TUSC3: variants seen among roughly 807,000 people sequenced by gnomAD.
TUSC3 encodes the protein tumor suppressor candidate 3.
TUSC3 carries 45 observed loss-of-function variants against 44.8 expected under a neutral mutation model. The observed-to-expected ratio is 1.00, with a 90% CI of 0.79 to 1.29. The LOEUF is 1.29. Ranked by LOEUF, TUSC3 falls within the 50% of genes most tolerant of loss-of-function variation. The probability of loss-of-function intolerance (pLI) is 0.00; values close to 1 mark genes in which losing one functional copy is unlikely to be tolerated. For synonymous variants in TUSC3, 212 were observed against 152.9 expected, an observed-to-expected ratio of 1.39 and a Z score of -2.85; for missense variants, 519 against 437.9, an observed-to-expected ratio of 1.19 and a Z score of -1.65.
chr8:15,697,136 C>T (rs1450119987), intron 6 of TUSC3, among the ~76,000 whole-genome samples: 1 of 152,094 alleles, frequency 6.6e-6, no homozygotes, highest in Non-Finnish European at 1.5e-5. Flanking sequence ...TGTCCCTTTT[C>T]ATTTCTTATT....
chr8:15,590,543 T>C (rs981344736), intron 1 of TUSC3, among the ~76,000 whole-genome samples: 1 of 152,142 alleles, frequency 6.6e-6, no homozygotes, highest in African/African-American at 2.4e-5. Context: ...TTTACTATTT[T>C]TAGAGGTTCT....
At chr8:15,730,144 T>G (rs1223226239) in intron 6 of TUSC3, among the ~76,000 whole-genome samples, 1 of 152,130 alleles carries the variant, frequency 6.6e-6, no homozygotes, top group African/African-American at 2.4e-5. Context: ...TAATCAACTG[T>G]TATCAACTAT....
intron 1 of TUSC3, among the ~76,000 whole-genome samples, chr8:15,559,823 A>C (rs1387727614): frequency 3.1e-5 from 3 of 97,858 alleles, no homozygotes; most frequent in East Asian, 6.3e-4. Context: ...CTAGGATTGC[A>C]ACCCCTGCCT....
At chr8:15,543,695 T>G (rs1433217927) in intron 1 of TUSC3, among the ~76,000 whole-genome samples, 2 of 151,966 alleles carry the variant, frequency 1.3e-5, no homozygotes, top group African/African-American at 4.8e-5. Context: ...AATGAAAGCA[T>G]TAGTGTAATG....
At chr8:15,716,209 T>C (rs959275354) in intron 6 of TUSC3, among the ~76,000 whole-genome samples, 2 of 152,172 alleles carry the variant, frequency 1.3e-5, no homozygotes, top group Non-Finnish European at 2.9e-5. Flanking sequence ...CAAGCCAAGG[T>C]TGTGCCACTG....
At chr8:15,569,137 G>A (rs1191704812) in intron 1 of TUSC3, among the ~76,000 whole-genome samples, 1 of 152,102 alleles carries the variant, frequency 6.6e-6, no homozygotes, top group African/African-American at 2.4e-5. Context: ...AGAGTACCAT[G>A]CGAAATGTTT....
At chr8:15,525,207 C>T (rs760622136) in intron 2 of TUSC3, among the ~76,000 whole-genome samples, 2 of 152,172 alleles carry the variant, frequency 1.3e-5, no homozygotes, top group Admixed American at 6.5e-5. Context: ...TGATCTCTAT[C>T]CCCTTCTTTT....
chr8:15,539,301 C>A (rs547819448), upstream of TUSC3, among the ~76,000 whole-genome samples: 1 of 149,186 alleles, frequency 6.7e-6, no homozygotes, highest in Non-Finnish European at 1.5e-5. Flanking sequence ...TAGAACGGAT[C>A]AGGCCCATAT....
At chr8:15,651,012 C>T in intron 3 of TUSC3, 198 bp downstream of exon 3, 5 of 531,874 alleles carry the variant, frequency 9.4e-6, no homozygotes, top group Admixed American at 3.1e-5. Context: ...CACACACACA[C>T]ACACACACAC....
intron 1 of TUSC3, among the ~76,000 whole-genome samples, chr8:15,609,582 G>A (rs1479065667): frequency 6.6e-6 from 1 of 151,958 alleles, no homozygotes; most frequent in African/African-American, 2.4e-5. Flanking sequence ...AAAAAAAAAT[G>A]GGAAGCTCAT....
intron 4 of TUSC3, among the ~76,000 whole-genome samples, chr8:15,660,816 T>C (rs1290146997): frequency 6.6e-6 from 1 of 151,618 alleles, no homozygotes; most frequent in Non-Finnish European, 1.5e-5. Flanking sequence ...TACTATTGTT[T>C]CCTTATAAGA....
rs75602089 is a variant in TUSC3 at position 15,687,340 on chromosome 8, G to C, written c.798+13504G>C. ...AGTCTTCAGAGCCTCGCTTCTTATTGAGTTACATGATATTTGAGGCTGCAA... is the reference window on the plus strand; with the variant it reads ...AGTCTTCAGAGCCTCGCTTCTTATTCAGTTACATGATATTTGAGGCTGCAA... On this transcript the variant is annotated intron_variant, in intron 6 of 10. Coordinates refer to ENST00000503731, the MANE Select transcript of TUSC3 (RefSeq NM_006765.4). Among the ~76,000 whole-genome samples the C allele has an allele frequency of 2.5e-3, 377 of 152,214 alleles. 8 individuals carry two copies. In the East Asian group the frequency reaches 0.039, roughly 16 times the overall value.
intron 1 of TUSC3, among the ~76,000 whole-genome samples, chr8:15,562,405 T>C (rs1802511009): frequency 6.6e-6 from 1 of 152,190 alleles, no homozygotes; most frequent in Admixed American, 6.5e-5. Flanking sequence ...CGTTAAGAAA[T>C]AGGATGTAAA....
chr8:15,545,698 T>C (rs1265487552), intron 1 of TUSC3, among the ~76,000 whole-genome samples: 3 of 151,718 alleles, frequency 2.0e-5, no homozygotes, highest in Non-Finnish European at 4.4e-5. Context: ...CTTCCACACA[T>C]AGGGCACAGA....
intron 1 of TUSC3, among the ~76,000 whole-genome samples, chr8:15,463,617 T>A (rs1180618110): frequency 6.6e-6 from 1 of 152,128 alleles, no homozygotes; most frequent in Non-Finnish European, 1.5e-5. Context: ...CTGAAACAAC[T>A]TTTTCAGATC....
intron 1 of TUSC3, among the ~76,000 whole-genome samples, chr8:15,554,700 T>C (rs1802177176): frequency 6.7e-6 from 1 of 149,326 alleles, no homozygotes; most frequent in Admixed American, 6.8e-5. Flanking sequence ...CCTCCCAGGT[T>C]CACACCATTC....
At chr8:15,439,110 C>T (rs1799989843) in intron 1 of TUSC3, among the ~76,000 whole-genome samples, 1 of 152,140 alleles carries the variant, frequency 6.6e-6, no homozygotes, top group Admixed American at 6.5e-5. Context: ...ATACATCCAT[C>T]AGGGATGAAG....
intron 7 of TUSC3, among the ~76,000 whole-genome samples, chr8:15,734,627 A>G (rs1397996075): frequency 6.6e-6 from 1 of 152,188 alleles, no homozygotes; most frequent in Non-Finnish European, 1.5e-5. Context: ...GAAAGGTAGG[A>G]TGACAGAAAA....
At chr8:15,472,977 G>A (rs1312598065) in intron 1 of TUSC3, among the ~76,000 whole-genome samples, 4 of 152,092 alleles carry the variant, frequency 2.6e-5, no homozygotes, top group Non-Finnish European at 4.4e-5. Flanking sequence ...CCTGCCTAAA[G>A]TTTTCTAACC....
Sources: allele counts gnomAD v4.1 joint callset (sites outside exome capture counted in the v4.1 genomes callset), GRCh38; gene constraint gnomAD v4.1.1; transcripts MANE v1.5; gene names NCBI Gene and HGNC (gene_info 2026-07-23, HGNC 2026-07-21).